Variants in SPATA13 observed in about 807,000 individuals in gnomAD.
SPATA13 encodes the protein spermatogenesis associated 13.
Under a neutral mutation model 104.0 loss-of-function variants are expected in SPATA13, and 50 were observed. The ratio of observed to expected loss-of-function variants is 0.48; its 90% CI spans 0.38 to 0.61. The LOEUF is 0.61. Among genes scored for constraint, SPATA13 ranks in the 20% least tolerant of loss-of-function variants. The pLI is 0.00. For missense variants in SPATA13, 1,524 were observed against 1,690.6 expected, an observed-to-expected ratio of 0.90 and a Z score of 1.73; for synonymous variants, 606 against 667.5, an observed-to-expected ratio of 0.91 and a Z score of 1.42.
chr13:24,271,033 T>TCTCTCTCC (rs1874569805), intron 4 of SPATA13: 2 of 691,174 alleles, frequency 2.9e-6, no homozygotes, highest in African/African-American at 1.9e-5. Context: ...TCTCTCTCTC[T>TCTCTCTCC]CTCTCTCACT....
chr13:24,080,128 A>G (rs1879460400), intron 3 of SPATA13, among the ~76,000 whole-genome samples: 1 of 152,228 alleles, frequency 6.6e-6, no homozygotes, highest in Non-Finnish European at 1.5e-5. Context: ...TGGGTCTTTT[A>G]TCTAAAACAG....
At chr13:24,013,176 G>A (rs765711540) in intron 2 of SPATA13, among the ~76,000 whole-genome samples, 3 of 152,204 alleles carry the variant, frequency 2.0e-5, no homozygotes, top group Non-Finnish European at 4.4e-5. Context: ...CGGGCTTAGA[G>A]CTCTTCCTGT....
intron 2 of SPATA13, among the ~76,000 whole-genome samples, chr13:24,012,682 G>A (rs1241390678): frequency 6.6e-6 from 1 of 152,262 alleles, no homozygotes; most frequent in Non-Finnish European, 1.5e-5. Flanking sequence ...TGTGGTGGGC[G>A]GGGTGCAGGC....
At chr13:24,095,310 T>G (rs1036798444) in intron 3 of SPATA13, among the ~76,000 whole-genome samples, 8 of 152,184 alleles carry the variant, frequency 5.3e-5, no homozygotes, top group Admixed American at 2.0e-4. Flanking sequence ...AATAAGCCAG[T>G]CACAAAAGGA....
chr13:24,280,766 C>T (rs9553228), intron 4 of SPATA13, among the ~76,000 whole-genome samples: 78,477 of 151,722 alleles, frequency 0.52, 21,534 homozygotes, highest in African/African-American at 0.72. Flanking sequence ...GTCTAAAACA[C>T]ACTCATGCAT....
intron 3 of SPATA13, among the ~76,000 whole-genome samples, chr13:24,118,207 A>G (rs1248806965): frequency 1.3e-5 from 2 of 152,146 alleles, no homozygotes; most frequent in Non-Finnish European, 2.9e-5. Flanking sequence ...TCTGTGTTCC[A>G]CCACCTGACA....
intron 3 of SPATA13, among the ~76,000 whole-genome samples, chr13:24,095,228 A>G (rs1297633613): frequency 6.6e-6 from 1 of 152,252 alleles, no homozygotes; most frequent in Admixed American, 6.5e-5. Flanking sequence ...TTATTGCATA[A>G]TTTCACAAAA....
At chr13:24,198,089 G>A (rs112979790) in intron 1 of SPATA13, among the ~76,000 whole-genome samples, 46,114 of 151,882 alleles carry the variant, frequency 0.3, 7,987 homozygotes, top group East Asian at 0.47. Context: ...TCCACCTCCC[G>A]GATTCAAGCG....
At position 24,302,790 on chromosome 13, in the gene SPATA13, T is replaced by A; in HGVS notation, c.*17T>A. On this transcript the variant is annotated 3_prime_UTR_variant, in exon 13 of 13. Transcript: ENST00000382108. ...CGGAAATGAAAACAGGAGGCTGTGC[T>A]TCCATGGAGCTGGGTGTCAAGAGAA... is the stretch of plus-strand genomic sequence containing the variant. 1 of 1,614,090 alleles carries A rather than the reference T, an allele frequency of 6.2e-7. No homozygotes were observed. The highest frequency in any genetic ancestry group is 1.1e-5 in the South Asian group (1 of 91,086).
intron 1 of SPATA13, among the ~76,000 whole-genome samples, chr13:24,218,280 G>C (rs1003914119): frequency 2.6e-5 from 4 of 152,186 alleles, no homozygotes; most frequent in African/African-American, 7.2e-5. Flanking sequence ...TGCCGACAAA[G>C]GGCTGGTGGG....
intron 4 of SPATA13, among the ~76,000 whole-genome samples, chr13:24,254,605 C>T (rs1158007643): frequency 6.6e-6 from 1 of 152,170 alleles, no homozygotes; most frequent in East Asian, 1.9e-4. Context: ...AAAACAAATC[C>T]AAGCCCAGCA....
At chr13:24,081,553 A>G (rs1014652370) in intron 3 of SPATA13, among the ~76,000 whole-genome samples, 1 of 152,090 alleles carries the variant, frequency 6.6e-6, no homozygotes, top group East Asian at 1.9e-4. Flanking sequence ...TCATGCATGT[A>G]ATCGCAGCAC....
intron 4 of SPATA13, chr13:24,271,021 A>ACTCTCT (rs35776484): frequency 5.3e-5 from 32 of 607,334 alleles, no homozygotes; most frequent in African/African-American, 1.4e-4. Context: ...ACTCTCTCTC[A>ACTCTCT]CTCTCTCTCT....
At chr13:24,146,432 C>T (rs1230872304) in intron 3 of SPATA13, among the ~76,000 whole-genome samples, 1 of 152,240 alleles carries the variant, frequency 6.6e-6, no homozygotes, top group Non-Finnish European at 1.5e-5. Context: ...GCAGGCAGGC[C>T]TGCAAGAAAT....
chr13:24,272,414 A>G (rs1874678118), intron 4 of SPATA13, among the ~76,000 whole-genome samples: 1 of 152,192 alleles, frequency 6.6e-6, no homozygotes, highest in Non-Finnish European at 1.5e-5. Flanking sequence ...TGCCACTCCT[A>G]TATGCGCTAT....
At chr13:24,008,393 G>A (rs939811536) in intron 2 of SPATA13, among the ~76,000 whole-genome samples, 5 of 152,160 alleles carry the variant, frequency 3.3e-5, no homozygotes, top group Non-Finnish European at 2.9e-5. Context: ...TGTCCCTGGG[G>A]CTGGCTGATC....
chr13:24,233,718 G>A (rs1046948629), intron 2 of SPATA13, among the ~76,000 whole-genome samples: 1 of 152,062 alleles, frequency 6.6e-6, no homozygotes, highest in Non-Finnish European at 1.5e-5. Context: ...TTTCTGAAAG[G>A]GTGCTCAACA....
Position 24,006,000 on chromosome 13 carries a change from G to A in SPATA13, c.-146-11667G>A, listed in dbSNP as rs149675867. Among the ~76,000 whole-genome samples, 118 of 152,342 alleles carry A rather than the reference G, an allele frequency of 7.7e-4. No individual in the cohort carries two copies. The Middle Eastern group carries it at 0.024, about 31-fold the overall frequency. On this transcript the variant is annotated intron_variant, in intron 2 of 14. Transcript: ENST00000424834. ...CTGTTTGGACCCATGCTTCGGGATA[G>A]GAGACATCCCCTGAGAAGGCCAGGG...
At chr13:24,288,218 G>C (rs1045678661) in intron 7 of SPATA13, among the ~76,000 whole-genome samples, 1 of 152,194 alleles carries the variant, frequency 6.6e-6, no homozygotes, top group Non-Finnish European at 1.5e-5. Context: ...GGAAACAAAG[G>C]CACAGAGAAG....
Sources: allele counts gnomAD v4.1 joint callset (sites outside exome capture counted in the v4.1 genomes callset), GRCh38; gene constraint gnomAD v4.1.1; transcripts MANE v1.5; gene names NCBI Gene and HGNC (gene_info 2026-07-23, HGNC 2026-07-21).